Variants in EIF4E3 observed in about 807,000 individuals in gnomAD.
EIF4E3 encodes the protein eukaryotic translation initiation factor 4E family member 3.
Under a neutral mutation model 31.7 loss-of-function variants are expected in EIF4E3, and 26 were observed. The observed-to-expected ratio is 0.82, with a 90% CI of 0.60 to 1.14. The LOEUF (loss-of-function observed/expected upper bound fraction) is 1.14. EIF4E3 is among the 50% of genes most tolerant of loss of function. The pLI is 0.00. For missense variants in EIF4E3, 304 were observed against 270.9 expected, an observed-to-expected ratio of 1.12 and a Z score of -0.86; for synonymous variants, 128 against 107.7, an observed-to-expected ratio of 1.19 and a Z score of -1.17.
intron 6 of EIF4E3, among the ~76,000 whole-genome samples, chr3:71,689,391 G>A (rs2049033133): frequency 6.6e-6 from 1 of 152,114 alleles, no homozygotes; most frequent in Non-Finnish European, 1.5e-5. Context: ...TTATGAAAAA[G>A]AAGACTTTTT....
chr3:71,714,777 G>A (rs1013986675), intron 1 of EIF4E3, among the ~76,000 whole-genome samples: 1 of 152,122 alleles, frequency 6.6e-6, no homozygotes, highest in African/African-American at 2.4e-5. Context: ...TATCATCTAC[G>A]GTTACTGTTT....
Position 71,681,474 on chromosome 3 carries a change from G to C in EIF4E3, c.*3208C>G, listed in dbSNP as rs1210648953. 1 of 152,250 alleles carries C rather than the reference G, an allele frequency of 6.6e-6. No individual in the cohort carries two copies. 9.4% of individuals were successfully genotyped at this position (152,250 alleles called of 1,614,324 possible). ...AAACCCCAGCACCACTTCTGTCTCTGAGAGGGAGAGGGAGAGAAGGAGGAG... is the reference window on the plus strand; with the variant it reads ...AAACCCCAGCACCACTTCTGTCTCTCAGAGGGAGAGGGAGAGAAGGAGGAG... On this transcript the variant is annotated 3_prime_UTR_variant, in exon 7 of 7. Coordinates refer to ENST00000425534, the MANE Select transcript of EIF4E3 (RefSeq NM_001134651.2).
At chr3:71,744,922 A>T (rs1379883761) in intron 1 of EIF4E3, among the ~76,000 whole-genome samples, 1 of 152,216 alleles carries the variant, frequency 6.6e-6, no homozygotes. Context: ...AGGCAGTGCC[A>T]GGGCCACAGC....
At chr3:71,661,732 A>G in the EIF4E3 span, among the ~76,000 whole-genome samples, 5 of 152,320 alleles carry the variant, frequency 3.3e-5, no homozygotes, top group East Asian at 9.7e-4. Flanking sequence ...TTCAGATCTT[A>G]GTTCCAGCAC....
At chr3:71,671,715 T>C (rs1258182951), downstream of EIF4E3, among the ~76,000 whole-genome samples, 3 of 152,028 alleles carry the variant, frequency 2.0e-5, no homozygotes, top group Admixed American at 2.0e-4. Flanking sequence ...GATCCCACGG[T>C]ATATAGATTT....
chr3:71,667,530 A>C, the EIF4E3 span, among the ~76,000 whole-genome samples: 1 of 152,228 alleles, frequency 6.6e-6, no homozygotes, highest in African/African-American at 2.4e-5. Flanking sequence ...AAAACTCTGT[A>C]AGCTGATAAG....
chr3:71,700,612 T>TAAAA (rs377334249), intron 2 of EIF4E3, among the ~76,000 whole-genome samples: 1 of 127,340 alleles, frequency 7.9e-6, no homozygotes, highest in South Asian at 2.5e-4. Flanking sequence ...AGACTCCGTT[T>TAAAA]AAAAAAAAAA....
rs750635087 is a variant in EIF4E3, at chr3:71,710,490, CAAGCAG to C, written c.177-12_177-7del. ...CTGTGGCACCAGGGAGGGATCTAGGCAAGCAGGAGCAGGACAAAGACACAAACAAAA... is the reference window on the plus strand; with the variant it reads ...CTGTGGCACCAGGGAGGGATCTAGGCGAGCAGGACAAAGACACAAACAAAA... On this transcript the variant is annotated splice_region_variant and splice_polypyrimidine_tract_variant and intron_variant, in intron 1 of 6. Coordinates refer to ENST00000425534, the MANE Select transcript of EIF4E3 (RefSeq NM_001134651.2). 77 of 1,551,822 alleles carry C rather than the reference CAAGCAG, an allele frequency of 5.0e-5. No homozygotes were observed. Among genetic ancestry groups the C allele is most frequent in the Non-Finnish European group, 6.5e-5 (75 of 1,147,066 alleles).
chr3:71,753,966 G>A (rs1437758231), upstream of EIF4E3: 18 of 1,033,362 alleles, frequency 1.7e-5, no homozygotes, highest in Non-Finnish European at 1.9e-5. Flanking sequence ...CCGGCGGAGC[G>A]GCGGAGCTCG....
At chr3:71,726,000 G>A (rs1285865720), upstream of EIF4E3, among the ~76,000 whole-genome samples, 1 of 152,154 alleles carries the variant, frequency 6.6e-6, no homozygotes, top group East Asian at 1.9e-4. This position sits in a 1 kb window ranked among gnomAD's most constrained non-coding sequence, Gnocchi z 6.1. Context: ...TCCAGTGCCC[G>A]CGAGTACAGA....
intron 2 of EIF4E3, among the ~76,000 whole-genome samples, chr3:71,702,413 C>T (rs1386566958): frequency 6.6e-6 from 1 of 152,204 alleles, no homozygotes; most frequent in African/African-American, 2.4e-5. Context: ...ATACCCCGGT[C>T]AAAGTTGTCA....
At chr3:71,717,301 G>A (rs9865530) in intron 1 of EIF4E3, among the ~76,000 whole-genome samples, 14,988 of 152,208 alleles carry the variant, frequency 0.098, 1,248 homozygotes, top group African/African-American at 0.23. Context: ...TCAAGTTATC[G>A]TAAGAAATGC....
upstream of EIF4E3, chr3:71,725,438 CCCCCGCCCCGCCCCG>C: frequency 2.5e-6 from 2 of 795,678 alleles, no homozygotes; most frequent in Non-Finnish European, 3.0e-6. This position sits in a 1 kb window ranked among gnomAD's most constrained non-coding sequence, Gnocchi z 6.1. Context: ...TCACCCCCGG[CCCCCGCCCCGCCCCG>C]CCCCGCGCGC....
intron 2 of EIF4E3, among the ~76,000 whole-genome samples, chr3:71,703,266 A>G (rs185485197): frequency 1.3e-5 from 2 of 152,306 alleles, no homozygotes; most frequent in African/African-American, 4.8e-5. Flanking sequence ...TTTTGACCAC[A>G]GCAATCCACT....
downstream of EIF4E3, among the ~76,000 whole-genome samples, chr3:71,674,605 T>C (rs1309914112): frequency 6.6e-6 from 1 of 152,172 alleles, no homozygotes; most frequent in Non-Finnish European, 1.5e-5. Context: ...AGAAGACTAA[T>C]GGGTTTGGCC....
At chr3:71,717,927 T>C (rs2049489517) in intron 1 of EIF4E3, among the ~76,000 whole-genome samples, 1 of 152,244 alleles carries the variant, frequency 6.6e-6, no homozygotes, top group South Asian at 2.1e-4. Flanking sequence ...TGGGAAAAGA[T>C]GTCTGAAACA....
chr3:71,716,394 A>G (rs1239137766), intron 1 of EIF4E3, among the ~76,000 whole-genome samples: 3 of 152,080 alleles, frequency 2.0e-5, no homozygotes, highest in African/African-American at 7.2e-5. Context: ...CACCACGCCC[A>G]GCTAATTTTT....
chr3:71,717,994 A>C (rs2049490488), intron 1 of EIF4E3, among the ~76,000 whole-genome samples: 1 of 152,252 alleles, frequency 6.6e-6, no homozygotes, highest in African/African-American at 2.4e-5. Flanking sequence ...ACAGGCACAC[A>C]ATAAATGTTT....
the EIF4E3 span, among the ~76,000 whole-genome samples, chr3:71,664,656 T>G: frequency 6.6e-6 from 1 of 152,078 alleles, no homozygotes; most frequent in African/African-American, 2.4e-5. Flanking sequence ...GGCAGATCAC[T>G]TGAGGTCAGG....
Sources: allele counts gnomAD v4.1 joint callset (sites outside exome capture counted in the v4.1 genomes callset), GRCh38; gene constraint gnomAD v4.1.1; non-coding constraint Gnocchi (gnomAD v3.1); transcripts MANE v1.5; gene names NCBI Gene and HGNC (gene_info 2026-07-23, HGNC 2026-07-21).